The following CPNE1 variants were observed in gnomAD, a reference collection of about 807,000 sequenced individuals.
CPNE1 encodes copine-1.
CPNE1 carries 58 observed loss-of-function variants against 63.2 expected under a neutral mutation model. The observed-to-expected ratio is 0.92, with a 90% CI of 0.74 to 1.14. The LOEUF (loss-of-function observed/expected upper bound fraction) is 1.14, where lower values mean the gene tolerates loss of function less well. Among genes scored for constraint, CPNE1 ranks in the 50% most tolerant of loss-of-function variants. The probability of loss-of-function intolerance (pLI) is 0.00; values close to 1 mark genes in which losing one functional copy is unlikely to be tolerated. For missense variants in CPNE1, 672 were observed against 661.7 expected (o/e 1.02, Z -0.17); for synonymous variants, 237 against 249.0 (o/e 0.95, Z 0.45).
intron 1 of CPNE1, among the ~76,000 whole-genome samples, chr20:35,660,256 G>T (rs933680024): frequency 1.1e-4 from 16 of 151,984 alleles, no homozygotes; most frequent in Non-Finnish European, 1.8e-4. Flanking sequence ...AGGCTAGAGT[G>T]CAGTGGCGCG....
At chr20:35,627,474 G>A (rs2031837003) in intron 13 of CPNE1, 61 bp from the exon 14 acceptor site, 3 of 1,552,222 alleles carry the variant, frequency 1.9e-6, no homozygotes, top group Non-Finnish European at 2.6e-6. Context: ...CACCAGTCCT[G>A]AAATCACCCC....
chr20:35,658,966 T>C (rs983223162), intron 1 of CPNE1: 4 of 717,060 alleles, frequency 5.6e-6, no homozygotes, highest in Non-Finnish European at 7.8e-6. Flanking sequence ...TAACAAGAAG[T>C]AGAGGCCAAG....
Position 35,632,582 on chromosome 20 carries a change from C to T in CPNE1, c.244G>A (p.Asp82Asn), listed in dbSNP as rs2032230472. 1.2e-6 allele frequency: 2 copies of T among 1,613,688 alleles called. No homozygotes were observed. The highest frequency in any genetic ancestry group is 1.7e-6 in the Non-Finnish European group (2 of 1,179,596). The change falls in exon 3 of 16, where the codon GAC (aspartate) becomes AAC (asparagine). Residue 82 changes from aspartate (D) to asparagine (N), a missense_variant. Coordinates refer to ENST00000397443, the MANE Select transcript of CPNE1 (RefSeq NM_152925.3). ...TCCCTCAGCTCTGGCGTCTTGTTGTCTATGTCATAGATTCCAAAGCGTAGC... is the reference window on the plus strand; with the variant it reads ...TCCCTCAGCTCTGGCGTCTTGTTGTTTATGTCATAGATTCCAAAGCGTAGC... Reference protein sequence around the residue: ...QKLRFGIYDIDNKTPELRDDD... With the variant: ...QKLRFGIYDINNKTPELRDDD...
At chr20:35,663,616 A>C (rs2034356404) in intron 1 of CPNE1, among the ~76,000 whole-genome samples, 1 of 152,156 alleles carries the variant, frequency 6.6e-6, no homozygotes, top group African/African-American at 2.4e-5. Flanking sequence ...AGGGCCCAGA[A>C]ATCTCTTAAA....
intron 1 of CPNE1, among the ~76,000 whole-genome samples, chr20:35,635,249 CCT>C (rs1038890635): frequency 1.3e-5 from 2 of 152,054 alleles, no homozygotes; most frequent in African/African-American, 2.4e-5. Flanking sequence ...ATTGCATACC[CCT>C]TTTTTGCTTT....
At position 35,630,964 on chromosome 20, in the gene CPNE1, G is replaced by A. The variant is rs1185369618; in HGVS notation, c.932C>T (p.Thr311Ile). Residue 311 changes from threonine (T) to isoleucine (I), a missense_variant, in exon 11 of 16, where the codon ACA becomes ATA. Thr to Ile is a moderately conservative substitution (Grantham distance 89). Transcript: ENST00000397443. ...TGCCATCAGGTACTCATTGACCCCT[G>A]TTGGACTCAGGTAGTGTAGGGAGTC... Reference protein sequence around the residue: ...SPDSLHYLSPTGVNEYLMALW... With the variant: ...SPDSLHYLSPIGVNEYLMALW... The A allele has an allele frequency of 6.2e-7, 1 of 1,614,078 alleles. No homozygotes were observed. The highest frequency in any genetic ancestry group is 8.5e-7 in the Non-Finnish European group (1 of 1,179,964).
At chr20:35,630,262 T>C (rs1393614544) in intron 13 of CPNE1, among the ~76,000 whole-genome samples, 177 bp downstream of exon 13, 2 of 152,142 alleles carry the variant, frequency 1.3e-5, no homozygotes, top group Admixed American at 1.3e-4. Flanking sequence ...GCCACCGCAC[T>C]CCAGCCTGGG....
At chr20:35,647,313 T>TCA (rs2033172462) in intron 1 of CPNE1, 2 of 19,728 alleles carry the variant, frequency 1.0e-4, no homozygotes, top group African/African-American at 4.8e-4. Flanking sequence ...AGACTTTGTC[T>TCA]CAAAAAAAAA....
At position 35,631,525 on chromosome 20, in the gene CPNE1, G is replaced by C; in HGVS notation, c.681C>G (p.Phe227Leu). The change falls in exon 8 of 16, where the codon TTC (phenylalanine) becomes TTG (leucine). Residue 227 changes from phenylalanine (F) to leucine (L), a missense_variant. Coordinates refer to ENST00000397443, the MANE Select transcript of CPNE1 (RefSeq NM_152925.3). Reference protein sequence around the residue: ...SDGSHDLIGTFHTSLAQLQAV... With the variant: ...SDGSHDLIGTLHTSLAQLQAV... ...CCTGCAGCTGGGCCAAGCTGGTGTG[G>C]AAGGTACCGATGAGATCATGTGACC... The C allele has an allele frequency of 6.2e-7, 1 of 1,614,074 alleles. No individual in the cohort carries two copies. The highest frequency in any genetic ancestry group is 1.7e-5 in the Admixed American group (1 of 60,020).
intron 1 of CPNE1, among the ~76,000 whole-genome samples, chr20:35,646,463 T>C (rs1329408539): frequency 6.7e-6 from 1 of 148,886 alleles, no homozygotes; most frequent in African/African-American, 2.5e-5. Flanking sequence ...GCTCAAGCGA[T>C]CCTCCCACCT....
chr20:35,653,185 T>A, intron 1 of CPNE1: 1 of 1,613,520 alleles, frequency 6.2e-7, no homozygotes, highest in African/African-American at 1.3e-5. Flanking sequence ...ATTGGCTTCC[T>A]TTGATCCTAC....
chr20:35,663,142 TTA>T (rs1228562645), intron 1 of CPNE1, among the ~76,000 whole-genome samples: 2 of 152,254 alleles, frequency 1.3e-5, no homozygotes, highest in African/African-American at 4.8e-5. Context: ...TCCCAACTTT[TTA>T]TACTCTTTGA....
intron 1 of CPNE1, among the ~76,000 whole-genome samples, chr20:35,635,137 C>G (rs967739308): frequency 6.6e-6 from 1 of 151,982 alleles, no homozygotes; most frequent in Non-Finnish European, 1.5e-5. Flanking sequence ...CCTTTCCCCA[C>G]AAGTCTTTAC....
intron 1 of CPNE1, chr20:35,654,797 G>C (rs763463050): frequency 6.2e-6 from 10 of 1,614,074 alleles, no homozygotes; most frequent in African/African-American, 4.0e-5. Flanking sequence ...GCTGTGCTTG[G>C]AACAGTTGAG....
intron 1 of CPNE1, among the ~76,000 whole-genome samples, chr20:35,664,084 C>G (rs6121020): frequency 6.6e-6 from 1 of 151,880 alleles, no homozygotes; most frequent in Admixed American, 6.6e-5. Flanking sequence ...ACCCCCTCAC[C>G]TCCTAGCTTC....
intron 1 of CPNE1, among the ~76,000 whole-genome samples, chr20:35,637,700 TG>T (rs1406247888): frequency 2.6e-5 from 4 of 152,228 alleles, no homozygotes; most frequent in African/African-American, 9.6e-5. Context: ...AACAGAAACC[TG>T]ATCATGTCAT....
chr20:35,626,862 C>T (rs765950791), intron 14 of CPNE1, 59 bp from the exon 15 acceptor site: 111 of 1,355,226 alleles, frequency 8.2e-5, no homozygotes, highest in Non-Finnish European at 1.1e-4. Flanking sequence ...CCTGCAAACA[C>T]CCCAGCCACA....
intron 1 of CPNE1, among the ~76,000 whole-genome samples, chr20:35,640,653 ACTTG>A (rs1319135579): frequency 7.0e-4 from 106 of 152,240 alleles, no homozygotes; most frequent in African/African-American, 2.4e-3. Flanking sequence ...AAAATGTGTA[ACTTG>A]CTTATTATGT....
intron 1 of CPNE1, chr20:35,651,201 CT>C (rs1451738145): frequency 6.6e-6 from 1 of 152,188 alleles, no homozygotes; most frequent in East Asian, 1.9e-4. Context: ...CTTCAGAGCA[CT>C]GACTAGGGAA....
Sources: gnomAD v4.1 joint callset for allele counts (sites outside exome capture counted in the v4.1 genomes callset) on GRCh38, gnomAD v4.1.1 for gene constraint, MANE v1.5 for transcripts, NCBI Gene and HGNC (gene_info 2026-07-23, HGNC 2026-07-21) for gene names.